PSME3IP1: variants seen among roughly 807,000 people sequenced by gnomAD.
The protein encoded by PSME3IP1 is proteasome activator subunit 3 interacting protein 1.
Under a neutral mutation model 34.1 loss-of-function variants are expected in PSME3IP1, and 13 were observed. That is an observed-to-expected ratio of 0.38 (90% CI 0.25 to 0.61). PSME3IP1 has a LOEUF of 0.61. PSME3IP1 is among the 20% of genes least tolerant of loss of function. The pLI, the probability that PSME3IP1 is intolerant of heterozygous loss-of-function variation, is 0.60. For missense variants in PSME3IP1, 237 were observed against 301.4 expected (o/e 0.79, Z 1.58); for synonymous variants, 93 against 114.3 (o/e 0.81, Z 1.19).
chr16:57,169,358 T>C (rs2072291629), intron 4 of PSME3IP1, among the ~76,000 whole-genome samples: 2 of 152,190 alleles, frequency 1.3e-5, no homozygotes, highest in Non-Finnish European at 2.9e-5. Flanking sequence ...CAACATATCA[T>C]ATAGTAATCA....
chr16:57,163,151 T>G (rs1245927943), intron 6 of PSME3IP1, among the ~76,000 whole-genome samples: 1 of 151,458 alleles, frequency 6.6e-6, no homozygotes, highest in Non-Finnish European at 1.5e-5. Context: ...GGTGACAGAG[T>G]GAGACTCCAT....
At chr16:57,174,017 C>T (rs900087283) in intron 1 of PSME3IP1, 148 bp from the exon 2 acceptor site, 12 of 818,440 alleles carry the variant, frequency 1.5e-5, no homozygotes, top group Admixed American at 5.9e-5. Flanking sequence ...AATTCTCGGC[C>T]GGGTGCGGTG....
At chr16:57,172,451 G>C in intron 3 of PSME3IP1, 79 bp from the exon 4 acceptor site, 1 of 1,471,098 alleles carries the variant, frequency 6.8e-7, no homozygotes, top group South Asian at 1.2e-5. Flanking sequence ...TTTTAAATAA[G>C]CAGCAGATTC....
intron 4 of PSME3IP1, among the ~76,000 whole-genome samples, chr16:57,169,568 G>A (rs1177614958): frequency 6.6e-6 from 1 of 152,148 alleles, no homozygotes; most frequent in East Asian, 1.9e-4. Flanking sequence ...TATCCCTGGA[G>A]CCTCATTGTA....
At chr16:57,177,335 C>A (rs1469090167) in intron 1 of PSME3IP1, among the ~76,000 whole-genome samples, 2 of 150,704 alleles carry the variant, frequency 1.3e-5, no homozygotes, top group East Asian at 3.9e-4. Flanking sequence ...GCATGCACCA[C>A]TACACCTGGC....
At position 57,183,760 on chromosome 16, in the gene PSME3IP1, T is replaced by C. The variant is rs538010418; in HGVS notation, c.-16+2061A>G. 7.2e-5 allele frequency among the ~76,000 whole-genome samples: 11 copies of C among 152,356 alleles called. No individual in the cohort carries two copies. In the South Asian group the frequency reaches 8.3e-4, roughly 11 times the overall value. On this transcript the variant is annotated intron_variant, in intron 1 of 6. Coordinates refer to ENST00000309137, the MANE Select transcript of PSME3IP1 (RefSeq NM_024946.4). ...TTTCATCCTGAGGACTTCTCTGACCTAAAAGCTAAAGTTTCAGTGCCTTTA... is the reference window on the plus strand; with the variant it reads ...TTTCATCCTGAGGACTTCTCTGACCCAAAAGCTAAAGTTTCAGTGCCTTTA...
Position 57,153,318 on chromosome 16 carries a change from G to A in PSME3IP1, c.*972C>T, listed in dbSNP as rs2070140237. 1 of 152,130 alleles carries A rather than the reference G, an allele frequency of 6.6e-6. No homozygotes were observed. The highest frequency in any genetic ancestry group is 6.6e-5 in the Admixed American group (1 of 15,266). 9.4% of individuals were successfully genotyped at this position (152,130 alleles called of 1,614,324 possible). ...AAAAGTACTAGGGCAGCACCTTTAG[G>A]TTAGAAATAGATTCCACAGTTAAAA... On this transcript the variant is annotated 3_prime_UTR_variant, in exon 7 of 7. Coordinates refer to ENST00000309137, the MANE Select transcript of PSME3IP1 (RefSeq NM_024946.4).
intron 6 of PSME3IP1, among the ~76,000 whole-genome samples, chr16:57,155,796 A>G (rs1567349098): frequency 6.6e-6 from 1 of 152,014 alleles, no homozygotes; most frequent in Non-Finnish European, 1.5e-5. Context: ...ACAGAGCAAG[A>G]CACTGCCTCA....
At chr16:57,158,767 T>C (rs2070870246) in intron 6 of PSME3IP1, among the ~76,000 whole-genome samples, 1 of 152,186 alleles carries the variant, frequency 6.6e-6, no homozygotes, top group Admixed American at 6.5e-5. Context: ...TCCATTGTTG[T>C]GAACATCATA....
At chr16:57,165,941 A>G (rs1268191765) in intron 5 of PSME3IP1, among the ~76,000 whole-genome samples, 1 of 151,736 alleles carries the variant, frequency 6.6e-6, no homozygotes, top group South Asian at 2.1e-4. Context: ...CTCCCTTGGC[A>G]TATTCCAGTA....
chr16:57,160,364 A>G (rs757300093), intron 6 of PSME3IP1, among the ~76,000 whole-genome samples: 3 of 152,262 alleles, frequency 2.0e-5, no homozygotes, highest in Non-Finnish European at 4.4e-5. Flanking sequence ...CATATACAGT[A>G]TACATTTATC....
intron 1 of PSME3IP1, among the ~76,000 whole-genome samples, chr16:57,180,600 A>G (rs1191248564): frequency 7.0e-6 from 1 of 143,180 alleles, no homozygotes; most frequent in Non-Finnish European, 1.5e-5. Flanking sequence ...TCAGAAAAAG[A>G]AAAAAAAAAA....
intron 6 of PSME3IP1, among the ~76,000 whole-genome samples, chr16:57,163,460 T>A (rs1200537051): frequency 1.3e-5 from 2 of 152,218 alleles, no homozygotes; most frequent in African/African-American, 4.8e-5. Context: ...ACACTCGAAT[T>A]TCTCATCCCT....
intron 1 of PSME3IP1, among the ~76,000 whole-genome samples, chr16:57,177,717 A>G (rs1348371096): frequency 6.6e-6 from 1 of 152,184 alleles, no homozygotes; most frequent in Non-Finnish European, 1.5e-5. Context: ...TTTAAAACTA[A>G]TATCTTAATT....
At chr16:57,175,216 T>C (rs1231835951) in intron 1 of PSME3IP1, among the ~76,000 whole-genome samples, 1 of 152,194 alleles carries the variant, frequency 6.6e-6, no homozygotes, top group Admixed American at 6.5e-5. Flanking sequence ...GGTTTCACTA[T>C]GTTGGCCAGG....
At chr16:57,161,671 C>T (rs2071254130) in intron 6 of PSME3IP1, among the ~76,000 whole-genome samples, 1 of 151,970 alleles carries the variant, frequency 6.6e-6, no homozygotes, top group Non-Finnish European at 1.5e-5. Flanking sequence ...CGCCAGCACA[C>T]CCAGCTAATT....
intron 1 of PSME3IP1, among the ~76,000 whole-genome samples, chr16:57,182,241 A>C (rs2073782990): frequency 6.6e-6 from 1 of 152,174 alleles, no homozygotes; most frequent in Non-Finnish European, 1.5e-5. Flanking sequence ...ACAATATCAC[A>C]CTGGCCATGT....
rs1316672456 is a variant in PSME3IP1, at chr16:57,153,544, A to C, written c.*746T>G. 6.6e-6 allele frequency: 1 copy of C among 152,220 alleles called. No homozygotes were observed. Among genetic ancestry groups the C allele is most frequent in the Non-Finnish European group, 1.5e-5 (1 of 68,048 alleles). The allele number at this position is 152,220 out of a possible 1,614,324, so 9.4% of individuals were successfully genotyped here. A position where few individuals can be genotyped will look rare whatever the true frequency, so the allele number is the denominator to read the frequency against. ...TTGTTTCTCTAAAATTTAGAATCTT[A>C]AACTAAATCCTTTATTTCAAAAACA... On this transcript the variant is annotated 3_prime_UTR_variant, in exon 7 of 7. Transcript: ENST00000309137.
Position 57,170,777 on chromosome 16 carries a change from A to T in PSME3IP1, c.348+1474T>A, listed in dbSNP as rs192910189. Reference sequence around the variant, plus strand: ...CTTTCAGATAGTGACAAATCTATAAAAAATGATATTACTTGCTGGGTGCGG... The same window carrying T: ...CTTTCAGATAGTGACAAATCTATAATAAATGATATTACTTGCTGGGTGCGG... On this transcript the variant is annotated intron_variant, in intron 4 of 6. Transcript: ENST00000309137. Among the ~76,000 whole-genome samples the T allele has an allele frequency of 2.0e-3, 304 of 152,332 alleles. 3 individuals are homozygous for T. Among genetic ancestry groups the T allele is most frequent in the Non-Finnish European group, 4.4e-4 (30 of 68,034 alleles).
Sources: gnomAD v4.1 joint callset for allele counts (sites outside exome capture counted in the v4.1 genomes callset) on GRCh38, gnomAD v4.1.1 for gene constraint, MANE v1.5 for transcripts, NCBI Gene and HGNC (gene_info 2026-07-23, HGNC 2026-07-21) for gene names.